The following ADAMTS2 variants were observed in gnomAD, a reference collection of about 807,000 sequenced individuals.
ADAMTS2 encodes A disintegrin and metalloproteinase with thrombospondin motifs 2.
ADAMTS2 carries 50 observed loss-of-function variants against 123.0 expected under a neutral mutation model. The ratio of observed to expected loss-of-function variants is 0.41; its 90% confidence interval spans 0.32 to 0.51. The LOEUF is 0.51. Among genes scored for constraint, ADAMTS2 ranks in the 20% least tolerant of loss-of-function variants. The pLI is 0.35. For synonymous variants in ADAMTS2, 678 were observed against 695.4 expected, an observed-to-expected ratio of 0.98 and a Z score of 0.39; for missense variants, 1,494 against 1,705.2, an observed-to-expected ratio of 0.88 and a Z score of 2.18.
chr5:179,147,270 G>T (rs1763267519), intron 10 of ADAMTS2, among the ~76,000 whole-genome samples: 1 of 152,074 alleles, frequency 6.6e-6, no homozygotes, highest in Non-Finnish European at 1.5e-5. Flanking sequence ...TGTATTTTTA[G>T]TAGAGATGGG....
At chr5:179,208,132 T>G (rs1764756487) in intron 3 of ADAMTS2, among the ~76,000 whole-genome samples, 4 of 115,280 alleles carry the variant, frequency 3.5e-5, no homozygotes, top group Admixed American at 7.9e-5. Flanking sequence ...GACGCTGGAG[T>G]GGGCAGAGCC....
chr5:179,189,509 G>GAT lies in ADAMTS2; in HGVS notation c.892-8355_892-8354insAT, dbSNP rs1561795932. Among the ~76,000 whole-genome samples the GAT allele has an allele frequency of 1.9e-5, 1 of 52,548 alleles. No individual in the cohort carries two copies. The highest frequency in any genetic ancestry group is 3.1e-5 in the Non-Finnish European group (1 of 31,778). 34.5% of individuals were successfully genotyped at this position (52,548 alleles called of 152,430 possible). A position where few individuals can be genotyped will look rare whatever the true frequency, so the allele number is the denominator to read the frequency against. On this transcript the variant is annotated intron_variant, in intron 4 of 21. Coordinates refer to ENST00000251582, the MANE Select transcript of ADAMTS2 (RefSeq NM_014244.5). This position sits in a 1 kb window ranked among gnomAD's most constrained non-coding sequence, Gnocchi z 4.2. The stretch of plus-strand genomic sequence containing the variant: ...GCTACAGGCGCCCGCCAGTGCGCCT[G>GAT]GTTTTTTTTTTTTTTTTTTTTTTTT...
intron 2 of ADAMTS2, among the ~76,000 whole-genome samples, chr5:179,324,313 C>T (rs1757255955): frequency 6.6e-6 from 1 of 151,654 alleles, no homozygotes; most frequent in African/African-American, 2.4e-5. Flanking sequence ...GTCTCAATAA[C>T]ATTATTATCA....
At position 179,240,117 on chromosome 5, in the gene ADAMTS2, C is replaced by T. The variant is rs945994707; in HGVS notation, c.689-32402G>A. Among the ~76,000 whole-genome samples the T allele has an allele frequency of 3.3e-5, 5 of 152,028 alleles. No individual in the cohort carries two copies. The East Asian group carries it at 5.8e-4, about 18-fold the overall frequency. On this transcript the variant is annotated intron_variant, in intron 3 of 21. Coordinates refer to ENST00000251582, the MANE Select transcript of ADAMTS2 (RefSeq NM_014244.5). Reference sequence around the variant, plus strand: ...CGAGGGAAGCCGTCAGGTGTGAATGCGGATAGGGAGCAGATGTTGGAGGTG... The same window carrying T: ...CGAGGGAAGCCGTCAGGTGTGAATGTGGATAGGGAGCAGATGTTGGAGGTG...
chr5:179,193,102 CA>C (rs1764343596), intron 4 of ADAMTS2, among the ~76,000 whole-genome samples: 1 of 152,164 alleles, frequency 6.6e-6, no homozygotes, highest in Non-Finnish European at 1.5e-5. Context: ...GCTCAAGGAT[CA>C]CCCCACTGTG....
chr5:179,241,985 G>T lies in ADAMTS2; in HGVS notation c.688+30926C>A, dbSNP rs191066366. Among the ~76,000 whole-genome samples, 426 of 152,164 alleles carry T rather than the reference G, an allele frequency of 2.8e-3. 1 individual carries two copies. The highest frequency in any genetic ancestry group is 9.7e-3 in the African/African-American group (401 of 41,514). On this transcript the variant is annotated intron_variant, in intron 3 of 21. Transcript: ENST00000251582. ...CATGCTACTCCCCAGTGGCTGTGGT[G>T]GGGGGGCACATAGCCCACACCTGGT...
At chr5:179,287,766 G>A (rs1185361170) in intron 2 of ADAMTS2, among the ~76,000 whole-genome samples, 1 of 152,224 alleles carries the variant, frequency 6.6e-6, no homozygotes, top group African/African-American at 2.4e-5. Context: ...GGTGCTCAGA[G>A]GGAAACCAGT....
intron 3 of ADAMTS2, among the ~76,000 whole-genome samples, chr5:179,259,414 G>C (rs538436295): frequency 5.1e-4 from 77 of 152,336 alleles, no homozygotes; most frequent in Non-Finnish European, 8.2e-4. Flanking sequence ...CCCAGTGCCC[G>C]GTCCTGCTGT....
chr5:179,259,938 G>A (rs1161422296), intron 3 of ADAMTS2, among the ~76,000 whole-genome samples: 2 of 152,220 alleles, frequency 1.3e-5, no homozygotes, highest in African/African-American at 4.8e-5. Context: ...CACTTGATTT[G>A]CAGGGCACAG....
rs984137463 is a variant in ADAMTS2, at chr5:179,312,942, C to T, written c.534+30825G>A. Among the ~76,000 whole-genome samples the T allele has an allele frequency of 1.2e-4, 19 of 152,176 alleles. No homozygotes were observed. The highest frequency in any genetic ancestry group is 2.6e-4 in the Non-Finnish European group (18 of 68,034). On this transcript the variant is annotated intron_variant, in intron 2 of 21. Coordinates refer to ENST00000251582, the MANE Select transcript of ADAMTS2 (RefSeq NM_014244.5). The surrounding 1 kb of genome is among the most constrained non-coding windows in gnomAD (Gnocchi z 4.2). Reference sequence around the variant, plus strand: ...CCTCAGAAACCAATACAATGGGGAACTCTGATATGGACTAAAAGTGGTGAG... The same window carrying T: ...CCTCAGAAACCAATACAATGGGGAATTCTGATATGGACTAAAAGTGGTGAG...
intron 2 of ADAMTS2, among the ~76,000 whole-genome samples, chr5:179,321,591 G>T (rs1757179903): frequency 6.6e-6 from 1 of 152,142 alleles, no homozygotes; most frequent in Non-Finnish European, 1.5e-5. Flanking sequence ...GGGCCAAGGA[G>T]CACTTCCTTC....
chr5:179,258,147 T>C (rs1271830225), intron 3 of ADAMTS2, among the ~76,000 whole-genome samples: 2 of 152,170 alleles, frequency 1.3e-5, no homozygotes, highest in African/African-American at 4.8e-5. Flanking sequence ...TATCCAGCTC[T>C]GCCCTCCAGA....
chr5:179,189,520 T>TG lies in ADAMTS2; in HGVS notation c.892-8366_892-8365insC, dbSNP rs1764253960. 7.2e-6 allele frequency among the ~76,000 whole-genome samples: 1 copy of TG among 138,770 alleles called. No homozygotes were observed. The highest frequency in any genetic ancestry group is 1.6e-5 in the Non-Finnish European group (1 of 64,114). The allele number at this position is 138,770 out of a possible 152,430, so 91.0% of individuals were successfully genotyped here. A position where few individuals can be genotyped will look rare whatever the true frequency, so the allele number is the denominator to read the frequency against. On this transcript the variant is annotated intron_variant, in intron 4 of 21. Coordinates refer to ENST00000251582, the MANE Select transcript of ADAMTS2 (RefSeq NM_014244.5). This position sits in a 1 kb window ranked among gnomAD's most constrained non-coding sequence, Gnocchi z 4.2. ...CCGCCAGTGCGCCTGGTTTTTTTTT[T>TG]TTTTTTTTTTTTTTTTTTAGTAGAG...
Position 179,272,948 on chromosome 5 carries a change from C to T in ADAMTS2, c.651G>A (p.Thr217=), listed in dbSNP as rs138580383. 163 of 1,611,890 alleles carry T rather than the reference C, an allele frequency of 1.0e-4. No homozygotes were observed. Among genetic ancestry groups the T allele is most frequent in the Non-Finnish European group, 1.2e-4 (143 of 1,179,986 alleles). ...RVHVVYRRPP[T]SPPLGGPQAL... is the part of the protein sequence containing the mutation. ...CCTGTGGCCCCCCGAGAGGAGGGGA[C>T]GTGGGTGGCCGGCGATACACCACAT... Residue 217 remains threonine, a synonymous_variant, in exon 3 of 22, where the codon ACG becomes ACA. Coordinates refer to ENST00000251582, the MANE Select transcript of ADAMTS2 (RefSeq NM_014244.5). This position sits in a 1 kb window ranked among gnomAD's most constrained non-coding sequence, Gnocchi z 5.8.
chr5:179,245,136 G>A (rs909265131), intron 3 of ADAMTS2, among the ~76,000 whole-genome samples: 1 of 152,148 alleles, frequency 6.6e-6, no homozygotes, highest in Non-Finnish European at 1.5e-5. Context: ...GAGGGGGAAG[G>A]GGGAAGCAGA....
chr5:179,265,419 G>A (rs1212154537), intron 3 of ADAMTS2, among the ~76,000 whole-genome samples: 1 of 152,208 alleles, frequency 6.6e-6, no homozygotes, highest in Non-Finnish European at 1.5e-5. Context: ...GGGCTGTCAG[G>A]CGGAGTGCCA....
intron 4 of ADAMTS2, among the ~76,000 whole-genome samples, chr5:179,199,344 C>G (rs992015402): frequency 1.3e-5 from 2 of 152,204 alleles, no homozygotes; most frequent in Non-Finnish European, 2.9e-5. Context: ...CATCTCAGGG[C>G]AGGCGTGGTG....
intron 3 of ADAMTS2, among the ~76,000 whole-genome samples, chr5:179,209,541 C>T (rs1561806945): frequency 6.6e-6 from 1 of 151,350 alleles, no homozygotes; most frequent in Non-Finnish European, 1.5e-5. Context: ...CACACATGCA[C>T]ACACATGTAC....
At chr5:179,321,064 C>G (rs972015570) in intron 2 of ADAMTS2, among the ~76,000 whole-genome samples, 2 of 152,138 alleles carry the variant, frequency 1.3e-5, no homozygotes, top group Non-Finnish European at 2.9e-5. Context: ...GCAGATTAAC[C>G]AATAAGTTTT....
Sources: gnomAD v4.1 joint callset for allele counts (sites outside exome capture counted in the v4.1 genomes callset) on GRCh38, gnomAD v4.1.1 for gene constraint, Gnocchi (gnomAD v3.1) non-coding constraint, MANE v1.5 for transcripts, NCBI Gene and HGNC (gene_info 2026-07-23, HGNC 2026-07-21) for gene names.